THBS4: variants seen among roughly 807,000 people sequenced by gnomAD.
THBS4 encodes thrombospondin 4, also known as thrombospondin-4.
THBS4 carries 90 observed loss-of-function variants against 115.7 expected under a neutral mutation model. The ratio of observed to expected loss-of-function variants is 0.78; its 90% CI spans 0.66 to 0.93. The LOEUF (loss-of-function observed/expected upper bound fraction) is 0.93. THBS4 is among the 40% of genes least tolerant of loss of function. THBS4 has a pLI of 0.00. For missense variants in THBS4, 1,087 were observed against 1,232.7 expected (o/e 0.88, Z 1.77); for synonymous variants, 460 against 479.3 (o/e 0.96, Z 0.53).
At chr5:80,082,082 T>TC (rs1476909342) in intron 20 of THBS4, 2 of 256,024 alleles carry the variant, frequency 7.8e-6, no homozygotes, top group Non-Finnish European at 7.4e-6. Flanking sequence ...AGATAGCAGG[T>TC]TTGGTTTGGT....
intron 2 of THBS4, among the ~76,000 whole-genome samples, chr5:80,043,041 C>G (rs1832955664): frequency 6.6e-6 from 1 of 152,068 alleles, no homozygotes; most frequent in African/African-American, 2.4e-5. Context: ...GAACATCTCC[C>G]TACCCTCCAA....
chr5:80,022,759 A>G (rs1359440566), intron 2 of THBS4, among the ~76,000 whole-genome samples: 1 of 152,258 alleles, frequency 6.6e-6, no homozygotes, highest in African/African-American at 2.4e-5. Flanking sequence ...CGTTCATAAC[A>G]ATGTGGAAAT....
rs377028016 is a variant in THBS4 at position 80,078,219 on chromosome 5, C to G, written c.2257C>G (p.Leu753Val). The change falls in exon 17 of 22, where the codon CTG becomes GTG. Residue 753 changes from leucine (L) to valine (V), a missense_variant. By Grantham distance (32) the Leu-to-Val change is conservative (BLOSUM62 1). Coordinates refer to ENST00000350881, the MANE Select transcript of THBS4 (RefSeq NM_003248.6). ...CCAGATCGATCCCAACTGGGTGGTC[C>G]TGAACCAGGTGAGTGTCACATGGGC... ...DAQIDPNWVV[L>V]NQGMEIVQTM... The G allele has an allele frequency of 2.5e-6, 4 of 1,584,500 alleles. No homozygotes were observed. The highest frequency in any genetic ancestry group is 3.5e-6 in the Non-Finnish European group (4 of 1,159,326).
intron 2 of THBS4, among the ~76,000 whole-genome samples, chr5:80,025,366 G>A (rs1832455951): frequency 2.0e-5 from 3 of 152,218 alleles, no homozygotes; most frequent in African/African-American, 7.2e-5. Flanking sequence ...CCCTGATAAA[G>A]TATGCTAGGG....
intron 9 of THBS4, chr5:80,066,481 T>C (rs1202471555): frequency 6.6e-6 from 1 of 152,238 alleles, no homozygotes; most frequent in Non-Finnish European, 1.5e-5. Flanking sequence ...GGAGCATGCC[T>C]ATAGTCCCAG....
At chr5:80,017,499 C>T (rs1372204163) in intron 2 of THBS4, among the ~76,000 whole-genome samples, 1 of 152,132 alleles carries the variant, frequency 6.6e-6, no homozygotes, top group South Asian at 2.1e-4. Flanking sequence ...AATCTTTTTA[C>T]CTGCTTCTGA....
chr5:80,008,305 G>A (rs1208661199), intron 2 of THBS4, among the ~76,000 whole-genome samples: 34 of 152,170 alleles, frequency 2.2e-4, no homozygotes. Context: ...AGAGTTGCCA[G>A]ATAAAATATA....
chr5:80,010,768 G>T (rs1169677121), intron 2 of THBS4, among the ~76,000 whole-genome samples: 1 of 152,250 alleles, frequency 6.6e-6, no homozygotes, highest in Non-Finnish European at 1.5e-5. Flanking sequence ...TTGATACGGG[G>T]CGTTGAAGCT....
In THBS4 at chr5:80,035,684, T is replaced by A. The variant is rs956647447; in HGVS notation, c.88+59T>A. On this transcript the variant is annotated intron_variant, in intron 1 of 21. Coordinates refer to ENST00000350881, the MANE Select transcript of THBS4 (RefSeq NM_003248.6). This position sits in a 1 kb window ranked among gnomAD's most constrained non-coding sequence, Gnocchi z 4.6. ...GGCACCGGGTGCCCCATCTGCTGAG[T>A]GAGTGGAGGGACTTGCTCGGCCCTG... The A allele has an allele frequency of 1.6e-5, 19 of 1,169,826 alleles. No homozygotes were observed. The African/African-American group carries it at 3.0e-4, about 19-fold the overall frequency. 72.5% of individuals were successfully genotyped at this position (1,169,826 alleles called of 1,614,324 possible). A position where few individuals can be genotyped will look rare whatever the true frequency, so the allele number is the denominator to read the frequency against.
chr5:80,076,270 G>A (rs1340276409), intron 15 of THBS4: 1 of 152,236 alleles, frequency 6.6e-6, no homozygotes, highest in East Asian at 1.9e-4. Flanking sequence ...GCCAGGGATT[G>A]TGAAGAGTAA....
chr5:80,024,927 C>T (rs180936983), intron 2 of THBS4, among the ~76,000 whole-genome samples: 9 of 152,158 alleles, frequency 5.9e-5, no homozygotes, highest in Admixed American at 5.9e-4. Context: ...GACCTCAGTT[C>T]GAGTCCACTT....
At chr5:80,033,157 C>A, upstream of THBS4, 1 of 394,852 alleles carries the variant, frequency 2.5e-6, no homozygotes. Flanking sequence ...AAAACTGGCA[C>A]CTGGCATGAT....
At chr5:80,036,222 G>C (rs1832714848) in intron 1 of THBS4, 1 of 984,340 alleles carries the variant, frequency 1.0e-6, no homozygotes, top group Non-Finnish European at 1.2e-6. Context: ...AATGAAATCA[G>C]TTCTTTGCAG....
In THBS4 at chr5:80,082,349, G is replaced by C. The variant is rs543875033; in HGVS notation, c.2685-57G>C. ...AAGTGGGGCCCCTGGGCCTCACAGT[G>C]GGCACTTTACCCCGGGTTGGATTTC... On this transcript the variant is annotated intron_variant, in intron 20 of 21. Transcript: ENST00000350881. 382 of 1,602,556 alleles carry C rather than the reference G, an allele frequency of 2.4e-4. 1 individual carries two copies. Among genetic ancestry groups the C allele is most frequent in the Non-Finnish European group, 2.9e-4 (336 of 1,173,874 alleles).
chr5:80,019,202 A>G (rs1437256436), intron 2 of THBS4, among the ~76,000 whole-genome samples: 1 of 152,188 alleles, frequency 6.6e-6, no homozygotes, highest in East Asian at 1.9e-4. Context: ...ATGAGAAATA[A>G]TTGACCAAAT....
At chr5:80,051,122 A>G (rs955495873) in intron 2 of THBS4, among the ~76,000 whole-genome samples, 7 of 152,124 alleles carry the variant, frequency 4.6e-5, no homozygotes, top group African/African-American at 1.4e-4. Flanking sequence ...GCACCGGGAA[A>G]GGGGGCTGGC....
intron 15 of THBS4, chr5:80,076,377 A>G (rs571405829): frequency 1.3e-5 from 2 of 152,718 alleles, no homozygotes; most frequent in Admixed American, 6.5e-5. Flanking sequence ...TTTAATCTCC[A>G]TAACAACTCT....
intron 4 of THBS4, 65 bp downstream of exon 4, chr5:80,058,379 G>T (rs1833504094): frequency 8.1e-7 from 1 of 1,234,302 alleles, no homozygotes; most frequent in East Asian, 2.6e-5. Context: ...TGAATAGGCT[G>T]GGTCCCATCA....
At chr5:80,018,338 G>T in intron 2 of THBS4, among the ~76,000 whole-genome samples, 1 of 146,324 alleles carries the variant, frequency 6.8e-6, no homozygotes, top group Non-Finnish European at 1.5e-5. Flanking sequence ...TTCATACATT[G>T]ATTTTAATTT....
Sources: allele counts gnomAD v4.1 joint callset (sites outside exome capture counted in the v4.1 genomes callset), GRCh38; gene constraint gnomAD v4.1.1; non-coding constraint Gnocchi (gnomAD v3.1); transcripts MANE v1.5; gene names NCBI Gene and HGNC (gene_info 2026-07-23, HGNC 2026-07-21).